EVC: variants seen among roughly 807,000 people sequenced by gnomAD.
EVC encodes EvC ciliary complex subunit 1, also known as evC complex member EVC.
EVC carries 116 observed loss-of-function variants against 118.9 expected under a neutral mutation model. That is an observed-to-expected ratio of 0.98 (90% CI 0.84 to 1.14). The LOEUF is 1.14. EVC is among the 50% of genes most tolerant of loss of function. The pLI is 0.00. For synonymous variants in EVC, 619 were observed against 534.7 expected (o/e 1.16, Z -2.18); for missense variants, 1,401 against 1,246.4 (o/e 1.12, Z -1.87).
chr4:5,738,212 A>C lies in EVC; in HGVS notation c.703-3504A>C, dbSNP rs1202172415. On this transcript the variant is annotated intron_variant, in intron 5 of 20. Transcript: ENST00000264956. This position sits in a 1 kb window ranked among gnomAD's most constrained non-coding sequence, Gnocchi z 6.5. ...ACTGAGCTGCTGCAATCTCATGATG[A>C]AACATGACTGGATGAGGAGCTGCTT... 1.3e-5 allele frequency among the ~76,000 whole-genome samples: 2 copies of C among 152,232 alleles called. No homozygotes were observed. Among genetic ancestry groups the C allele is most frequent in the Admixed American group, 1.3e-4 (2 of 15,286 alleles).
intron 1 of EVC, among the ~76,000 whole-genome samples, chr4:5,718,782 G>A (rs113323731): frequency 5.5e-4 from 84 of 152,298 alleles, no homozygotes; most frequent in African/African-American, 1.9e-3. Context: ...GTTCAGAATA[G>A]AAACTACTCT....
Position 5,719,849 on chromosome 4 carries a change from C to T in EVC, c.300+476C>T, listed in dbSNP as rs1334085820. 6.6e-6 allele frequency among the ~76,000 whole-genome samples: 1 copy of T among 152,192 alleles called. No homozygotes were observed. The highest frequency in any genetic ancestry group is 1.5e-5 in the Non-Finnish European group (1 of 68,038). On this transcript the variant is annotated intron_variant, in intron 2 of 20. Coordinates refer to ENST00000264956, the MANE Select transcript of EVC (RefSeq NM_153717.3). The surrounding 1 kb of genome is among the most constrained non-coding windows in gnomAD (Gnocchi z 4.7). ...AGTGGCAGTCAACTGTGTGGATGTGCCACACTTTGTTGATTGCTCACTGTT... is the reference window on the plus strand; with the variant it reads ...AGTGGCAGTCAACTGTGTGGATGTGTCACACTTTGTTGATTGCTCACTGTT...
intron 12 of EVC, among the ~76,000 whole-genome samples, chr4:5,785,498 G>T (rs151293268): frequency 3.9e-5 from 6 of 152,234 alleles, no homozygotes; most frequent in East Asian, 1.9e-4. Flanking sequence ...AGAGGAGAGC[G>T]TTATGCAAAC....
chr4:5,818,050 G>A (rs1342437713), downstream of EVC, among the ~76,000 whole-genome samples: 2 of 152,124 alleles, frequency 1.3e-5, no homozygotes, highest in East Asian at 3.8e-4. Context: ...CCATAATTCC[G>A]TGATGTGGGA....
intron 2 of EVC, among the ~76,000 whole-genome samples, chr4:5,727,600 G>C (rs1204495228): frequency 6.7e-6 from 1 of 149,170 alleles, no homozygotes; most frequent in South Asian, 2.1e-4. Flanking sequence ...GTCAATTTTG[G>C]CTTTTGTTGC....
chr4:5,745,182 C>CT (rs771069449), intron 6 of EVC, 22 bp from the exon 7 acceptor site: 124 of 1,584,898 alleles, frequency 7.8e-5, no homozygotes, highest in East Asian at 9.0e-5. Flanking sequence ...TATTTGCTTT[C>CT]TTTTTTCTTC....
chr4:5,741,968 A>G (rs1728661519), intron 6 of EVC, among the ~76,000 whole-genome samples, 154 bp downstream of exon 6: 1 of 152,254 alleles, frequency 6.6e-6, no homozygotes, highest in Non-Finnish European at 1.5e-5. Flanking sequence ...AAGTATGTAT[A>G]CAAATATTTA....
At chr4:5,747,537 C>T (rs1729553731) in intron 7 of EVC, among the ~76,000 whole-genome samples, 1 of 152,168 alleles carries the variant, frequency 6.6e-6, no homozygotes, top group Non-Finnish European at 1.5e-5. Flanking sequence ...GAAAGTTGCT[C>T]CGATTCCTAG....
chr4:5,732,032 G>A (rs1229301817), intron 4 of EVC, among the ~76,000 whole-genome samples: 1 of 152,186 alleles, frequency 6.6e-6, no homozygotes, highest in African/African-American at 2.4e-5. Flanking sequence ...GGGGGATCCT[G>A]GGACAAGTTC....
intron 8 of EVC, among the ~76,000 whole-genome samples, chr4:5,752,459 A>T (rs556563014): frequency 1.1e-4 from 17 of 152,186 alleles, no homozygotes; most frequent in African/African-American, 3.9e-4. Flanking sequence ...TTTCCTCCAC[A>T]GCCCTGTGGG....
intron 5 of EVC, among the ~76,000 whole-genome samples, chr4:5,739,452 C>T (rs555572725): frequency 6.6e-6 from 1 of 152,116 alleles, no homozygotes; most frequent in African/African-American, 2.4e-5. Flanking sequence ...TGGGCATTTT[C>T]TCATCTGTAA....
chr4:5,801,832 G>C (rs1329719344), intron 15 of EVC, 118 bp from the exon 16 acceptor site: 4 of 1,142,912 alleles, frequency 3.5e-6, no homozygotes, highest in African/African-American at 1.5e-5. Flanking sequence ...GACCAATCCA[G>C]GTTGGTGAGT....
downstream of EVC, among the ~76,000 whole-genome samples, chr4:5,816,249 C>A (rs562458534): frequency 2.6e-5 from 4 of 152,270 alleles, no homozygotes; most frequent in East Asian, 5.8e-4. Context: ...GAGGTGAGCT[C>A]TTCATCCGCC....
rs186673190 is a variant in EVC, at chr4:5,776,121, C to T, written c.1564-7431C>T. ...ATTAAATTTTGTAAAATGCTTTTAT[C>T]TTCCTCTACTGAGGTAATCAGTGTA... On this transcript the variant is annotated intron_variant, in intron 11 of 20. Transcript: ENST00000264956. Among the ~76,000 whole-genome samples the T allele has an allele frequency of 1.7e-3, 261 of 151,954 alleles. 1 individual carries two copies. Among genetic ancestry groups the T allele is most frequent in the African/African-American group, 6.1e-3 (252 of 41,450 alleles).
chr4:5,729,043 C>T (rs951256672), intron 2 of EVC, among the ~76,000 whole-genome samples: 2 of 152,060 alleles, frequency 1.3e-5, no homozygotes, highest in African/African-American at 4.8e-5. Context: ...CATCTGTCTA[C>T]CTATCCATCC....
chr4:5,826,496 G>T, the EVC span: 1 of 149,038 alleles, frequency 6.7e-6, no homozygotes. Flanking sequence ...GAGGAAGGAG[G>T]GCAATGGAGC....
rs1483159491 is a variant in EVC at position 5,778,968 on chromosome 4, T to C, written c.1564-4584T>C. Among the ~76,000 whole-genome samples, 168 of 152,272 alleles carry C rather than the reference T, an allele frequency of 1.1e-3. 1 individual carries two copies. The highest frequency in any genetic ancestry group is 1.7e-3 in the Non-Finnish European group (119 of 68,016). ...AGGTTTTCTTCTAGGGTTTTTATGGTTTTAGGTCTAATGTTTAAGTCTTTA... is the reference window on the plus strand; with the variant it reads ...AGGTTTTCTTCTAGGGTTTTTATGGCTTTAGGTCTAATGTTTAAGTCTTTA... On this transcript the variant is annotated intron_variant, in intron 11 of 20. Coordinates refer to ENST00000264956, the MANE Select transcript of EVC (RefSeq NM_153717.3).
chr4:5,732,931 G>T (rs1257190244), intron 4 of EVC, among the ~76,000 whole-genome samples: 1 of 152,194 alleles, frequency 6.6e-6, no homozygotes, highest in Non-Finnish European at 1.5e-5. Flanking sequence ...GATTGCTTGA[G>T]CCCGGGAGGT....
intron 11 of EVC, among the ~76,000 whole-genome samples, chr4:5,782,363 C>G (rs1735730290): frequency 6.6e-6 from 1 of 150,842 alleles, no homozygotes; most frequent in South Asian, 2.1e-4. Flanking sequence ...GCGTGAGCCA[C>G]CATGCGCAGC....
Sources: allele counts gnomAD v4.1 joint callset (sites outside exome capture counted in the v4.1 genomes callset), GRCh38; gene constraint gnomAD v4.1.1; non-coding constraint Gnocchi (gnomAD v3.1); transcripts MANE v1.5; gene names NCBI Gene and HGNC (gene_info 2026-07-23, HGNC 2026-07-21).